Variants in MAPT observed in about 807,000 individuals in gnomAD.
MAPT encodes the protein microtubule-associated protein tau.
A neutral mutation model predicts 67.9 loss-of-function variants in MAPT; 34 were observed. The observed-to-expected ratio is 0.50, with a 90% CI of 0.38 to 0.67. The LOEUF (loss-of-function observed/expected upper bound fraction) is 0.67. Ranked by LOEUF, MAPT falls within the 30% of genes least tolerant of loss-of-function variation. The pLI, the probability that MAPT is intolerant of heterozygous loss-of-function variation, is 0.00. For missense variants in MAPT, 881 were observed against 1,115.2 expected (o/e 0.79, Z 2.99); for synonymous variants, 456 against 464.5 (o/e 0.98, Z 0.23).
intron 7 of MAPT, chr17:45,990,596 CA>C: frequency 5.8e-6 from 2 of 346,230 alleles, no homozygotes; most frequent in Admixed American, 8.0e-5. Context: ...GACCCTGTCG[CA>C]AAAATTGTTT....
At chr17:45,989,779 A>T in intron 6 of MAPT, 99 bp from the exon 7 acceptor site, 3 of 1,069,636 alleles carry the variant, frequency 2.8e-6, no homozygotes, top group Non-Finnish European at 4.4e-6. Flanking sequence ...TTCAACCATT[A>T]CCTGCCTTAT....
In MAPT at chr17:45,906,987, T is replaced by C. The variant is rs1482692111; in HGVS notation, c.-18+12301T>C. ...AATAATGAGTTGTTCCCTGTTTCAA[T>C]TCCAAAATTCATATCCAATCCGTTT... On this transcript the variant is annotated intron_variant, in intron 1 of 12. Coordinates refer to ENST00000262410, the MANE Select transcript of MAPT (RefSeq NM_001377265.1). The surrounding 1 kb of genome is among the most constrained non-coding windows in gnomAD (Gnocchi z 4.3). Among the ~76,000 whole-genome samples the C allele has an allele frequency of 6.6e-6, 1 of 152,204 alleles. No homozygotes were observed. Among genetic ancestry groups the C allele is most frequent in the Non-Finnish European group, 1.5e-5 (1 of 68,036 alleles).
At chr17:46,021,245 C>G (rs966963959) in intron 12 of MAPT, among the ~76,000 whole-genome samples, 1 of 152,168 alleles carries the variant, frequency 6.6e-6, no homozygotes, top group East Asian at 1.9e-4. Flanking sequence ...TCGGGTTGCG[C>G]GACAGGGATA....
chr17:45,982,748 C>A (rs931072360), intron 4 of MAPT, 118 bp from the exon 5 acceptor site: 21 of 349,128 alleles, frequency 6.0e-5, no homozygotes, highest in African/African-American at 4.6e-4. Context: ...GCTCCCATCT[C>A]TTTGTTAGGG....
At chr17:46,003,300 A>G (rs1179574839) in intron 9 of MAPT, among the ~76,000 whole-genome samples, 2 of 151,910 alleles carry the variant, frequency 1.3e-5, no homozygotes, top group Non-Finnish European at 2.9e-5. Context: ...TTATTTTGAG[A>G]CAGAGTCTCA....
intron 1 of MAPT, among the ~76,000 whole-genome samples, chr17:45,947,667 T>C (rs62062789): frequency 0.14 from 21,812 of 152,072 alleles, 2,138 homozygotes; most frequent in Middle Eastern, 0.22. Flanking sequence ...GGATTACAGG[T>C]GTGAGCCACC....
intron 1 of MAPT, among the ~76,000 whole-genome samples, chr17:45,912,746 A>G (rs1337026120): frequency 6.6e-6 from 1 of 152,242 alleles, no homozygotes; most frequent in Non-Finnish European, 1.5e-5. Context: ...TGTGACACAC[A>G]CCAAAAATAT....
chr17:45,994,879 C>T (rs1199319476), intron 8 of MAPT, among the ~76,000 whole-genome samples: 1 of 151,770 alleles, frequency 6.6e-6, no homozygotes, highest in East Asian at 1.9e-4. Context: ...TAAAATAAGT[C>T]TCTACTAAAA....
chr17:45,909,940 C>T (rs2064640365), intron 1 of MAPT, among the ~76,000 whole-genome samples: 1 of 147,828 alleles, frequency 6.8e-6, no homozygotes, highest in African/African-American at 2.5e-5. Context: ...ATTTGGGAGG[C>T]TGAGGCACGA....
At position 45,983,757 on chromosome 17, in the gene MAPT, C is replaced by T. The variant is rs73314997; in HGVS notation, c.1178C>T (p.Ser393Leu). 16,867 of 1,614,056 alleles carry T rather than the reference C, an allele frequency of 0.01. 1,325 individuals are homozygous for T. In the African/African-American group the frequency reaches 0.18, roughly 17 times the overall value. Residue 393 changes from serine (S) to leucine (L), a missense_variant, in exon 5 of 13, where the codon TCG (serine) becomes TTG (leucine). By Grantham distance (145) the Ser-to-Leu change is moderately radical. Around this residue, in one of 6 missense-constraint regions of MAPT, gnomAD observed 687 missense variants for 766.1 expected, o/e 0.90. Transcript: ENST00000262410. ...AACGTGCAGAAGGAGCAGGCGCACT[C>T]GGAGGAGCATTTGGGAAGGGCTGCA... ...TPNVQKEQAHSEEHLGRAAFP... is the reference protein window; with the variant it reads ...TPNVQKEQAHLEEHLGRAAFP...
chr17:46,017,868 G>A (rs570623055), intron 11 of MAPT, among the ~76,000 whole-genome samples: 51 of 151,524 alleles, frequency 3.4e-4, no homozygotes, highest in Admixed American at 1.4e-3. Flanking sequence ...TTAATGGGCC[G>A]GGCGCAGTGG....
chr17:45,978,481 G>A, intron 4 of MAPT, 41 bp downstream of exon 4: 1 of 1,513,716 alleles, frequency 6.6e-7, no homozygotes, highest in Non-Finnish European at 9.2e-7. Flanking sequence ...TGGGGGTTGG[G>A]GGGAGGGACA....
chr17:46,008,129 TTCTG>T (rs2075573836), intron 9 of MAPT, among the ~76,000 whole-genome samples: 2 of 152,228 alleles, frequency 1.3e-5, no homozygotes, highest in African/African-American at 4.8e-5. Context: ...CGAAGTCTCA[TTCTG>T]TCACCCAGGC....
rs1461297992 is a variant in MAPT at position 45,903,903 on chromosome 17, T to TTTATATA, written c.-18+9227_-18+9233dup. On this transcript the variant is annotated intron_variant, in intron 1 of 12. Coordinates refer to ENST00000262410, the MANE Select transcript of MAPT (RefSeq NM_001377265.1). ...TTTATATATTTATATATTATATATA[T>TTTATATA]TTATATATTATATATTTATATATAT... Among the ~76,000 whole-genome samples the TTTATATA allele has an allele frequency of 3.3e-3, 100 of 30,722 alleles. 5 individuals are homozygous for TTTATATA. The highest frequency in any genetic ancestry group is 0.011 in the African/African-American group (98 of 9,030). 20.2% of individuals were successfully genotyped at this position (30,722 alleles called of 152,430 possible).
In MAPT at chr17:45,896,720, G is replaced by T. The variant is rs933847943; in HGVS notation, c.-18+2034G>T. 3.9e-5 allele frequency: 6 copies of T among 152,134 alleles called. No homozygotes were observed. Among genetic ancestry groups the T allele is most frequent in the Admixed American group, 2.0e-4 (3 of 15,276 alleles). 9.4% of individuals were successfully genotyped at this position (152,134 alleles called of 1,614,324 possible). A position where few individuals can be genotyped will look rare whatever the true frequency, so the allele number is the denominator to read the frequency against. On this transcript the variant is annotated intron_variant, in intron 1 of 12. Transcript: ENST00000262410. This position sits in a 1 kb window ranked among gnomAD's most constrained non-coding sequence, Gnocchi z 5.6. ...GACACGCAGATAGGCGGCCCTGGGT[G>T]TATTTTTATTAATATTATGTCCGTA... is the stretch of plus-strand genomic sequence containing the variant.
intron 2 of MAPT, among the ~76,000 whole-genome samples, chr17:45,963,955 C>T (rs2070743306): frequency 6.6e-6 from 1 of 152,146 alleles, no homozygotes; most frequent in African/African-American, 2.4e-5. Context: ...TGAAGGAAGA[C>T]ATGGGCGTAT....
Position 45,906,374 on chromosome 17 carries a change from C to CA in MAPT, c.-18+11689dup, listed in dbSNP as rs2064310853. Reference sequence around the variant, plus strand: ...CTAGGAGCAGCCTCTCCCCACCACTCACAGTGTTTAGCATGTGACAGGAAT... The same window carrying CA: ...CTAGGAGCAGCCTCTCCCCACCACTCAACAGTGTTTAGCATGTGACAGGAAT... On this transcript the variant is annotated intron_variant, in intron 1 of 12. Transcript: ENST00000262410. The surrounding 1 kb of genome is among the most constrained non-coding windows in gnomAD (Gnocchi z 4.3). Among the ~76,000 whole-genome samples, 1 of 152,190 alleles carries CA rather than the reference C, an allele frequency of 6.6e-6. No homozygotes were observed.
chr17:45,923,369 C>G (rs2065944892), intron 1 of MAPT, among the ~76,000 whole-genome samples: 1 of 152,112 alleles, frequency 6.6e-6, no homozygotes, highest in South Asian at 2.1e-4. Flanking sequence ...CAGAGGGCTC[C>G]CAGAGGATCC....
chr17:45,984,865 T>C (rs200965066), intron 5 of MAPT, among the ~76,000 whole-genome samples: 2 of 152,206 alleles, frequency 1.3e-5, no homozygotes, highest in African/African-American at 2.4e-5. Flanking sequence ...GTTCATAAAT[T>C]TGGGACCCTT....
Sources: allele counts gnomAD v4.1 joint callset (sites outside exome capture counted in the v4.1 genomes callset), GRCh38; gene constraint gnomAD v4.1.1; regional missense constraint gnomAD v4.1.1; non-coding constraint Gnocchi (gnomAD v3.1); transcripts MANE v1.5; gene names NCBI Gene and HGNC (gene_info 2026-07-23, HGNC 2026-07-21).